The following CAMK1D variants were observed in gnomAD, a reference collection of about 807,000 sequenced individuals.
CAMK1D encodes the protein calcium/calmodulin dependent protein kinase ID, also known as calcium/calmodulin-dependent protein kinase type 1D.
A neutral mutation model predicts 47.7 loss-of-function variants in CAMK1D; 9 were observed. That is an observed-to-expected ratio of 0.19 (90% CI 0.11 to 0.33). The LOEUF is 0.33. Among genes scored for constraint, CAMK1D ranks in the 10% least tolerant of loss-of-function variants. CAMK1D has a pLI of 1.00. For synonymous variants in CAMK1D, 184 were observed against 184.9 expected (o/e 0.99, Z 0.04); for missense variants, 291 against 488.7 (o/e 0.60, Z 3.81).
chr10:12,729,071 G>A (rs188190381), intron 3 of CAMK1D, among the ~76,000 whole-genome samples: 9 of 152,254 alleles, frequency 5.9e-5, no homozygotes, highest in South Asian at 4.1e-4. Context: ...AATATTTGGC[G>A]TCATGCTGTC....
chr10:12,724,340 C>T (rs1209450798), intron 3 of CAMK1D, among the ~76,000 whole-genome samples: 1 of 152,116 alleles, frequency 6.6e-6, no homozygotes, highest in African/African-American at 2.4e-5. Context: ...AGGAAAATGG[C>T]ATTCGTGTGC....
chr10:12,453,834 T>C (rs1260871366), intron 1 of CAMK1D, among the ~76,000 whole-genome samples: 1 of 152,224 alleles, frequency 6.6e-6, no homozygotes, highest in Non-Finnish European at 1.5e-5. Flanking sequence ...TTAATTTTTA[T>C]GCACAATCTT....
At chr10:12,577,215 C>T (rs907380725) in intron 2 of CAMK1D, among the ~76,000 whole-genome samples, 15 of 152,220 alleles carry the variant, frequency 9.9e-5, no homozygotes, top group African/African-American at 2.9e-4. Flanking sequence ...TCCCCGGACA[C>T]ACAGCGAAAA....
chr10:12,419,677 T>TA (rs1839983906), intron 1 of CAMK1D, among the ~76,000 whole-genome samples: 1 of 125,480 alleles, frequency 8.0e-6, no homozygotes, highest in African/African-American at 2.9e-5. Flanking sequence ...CACGCAAAAA[T>TA]AGAGTTCTTG....
intron 1 of CAMK1D, among the ~76,000 whole-genome samples, chr10:12,439,734 A>G (rs1013095878): frequency 1.3e-5 from 2 of 152,226 alleles, no homozygotes; most frequent in African/African-American, 2.4e-5. Flanking sequence ...GAAAGACCTT[A>G]GTGGCCTAGA....
chr10:12,378,345 C>A (rs1432077832), intron 1 of CAMK1D, among the ~76,000 whole-genome samples: 1 of 152,162 alleles, frequency 6.6e-6, no homozygotes, highest in African/African-American at 2.4e-5. Flanking sequence ...CTCCTGTGCT[C>A]AGGTGATCTC....
intron 1 of CAMK1D, among the ~76,000 whole-genome samples, chr10:12,411,893 C>G (rs1199317489): frequency 6.6e-6 from 1 of 151,646 alleles, no homozygotes; most frequent in Non-Finnish European, 1.5e-5. Flanking sequence ...TGTGCCCGGA[C>G]AAGCCTACCT....
chr10:12,669,247 ACCC>A (rs143143876), intron 3 of CAMK1D, among the ~76,000 whole-genome samples: 79,961 of 151,250 alleles, frequency 0.53, 21,346 homozygotes, highest in East Asian at 0.55. Flanking sequence ...AAACAAAAAA[ACCC>A]CACAAAAAAC....
intron 1 of CAMK1D, among the ~76,000 whole-genome samples, chr10:12,496,297 G>GA (rs1834537475): frequency 6.6e-6 from 1 of 152,176 alleles, no homozygotes; most frequent in Admixed American, 6.6e-5. Context: ...GCAAATCATA[G>GA]AACTATGACT....
At chr10:12,426,332 C>T (rs1840227105) in intron 1 of CAMK1D, among the ~76,000 whole-genome samples, 1 of 151,960 alleles carries the variant, frequency 6.6e-6, no homozygotes, top group South Asian at 2.1e-4. Flanking sequence ...CTGCAACGTC[C>T]ACCTCCCAGG....
intron 1 of CAMK1D, among the ~76,000 whole-genome samples, chr10:12,547,648 C>CCCT (rs1554786322): frequency 0.011 from 1,096 of 101,082 alleles, 42 homozygotes; most frequent in African/African-American, 0.048. Context: ...CACCCCCCCC[C>CCCT]CAACCCTGCA....
At chr10:12,426,878 C>A (rs1294020595) in intron 1 of CAMK1D, among the ~76,000 whole-genome samples, 1 of 152,184 alleles carries the variant, frequency 6.6e-6, no homozygotes, top group Non-Finnish European at 1.5e-5. Flanking sequence ...CCACGCCCAG[C>A]TAATTTTTGT....
At chr10:12,811,615 A>C (rs1832609814) in intron 6 of CAMK1D, among the ~76,000 whole-genome samples, 1 of 152,252 alleles carries the variant, frequency 6.6e-6, no homozygotes, top group African/African-American at 2.4e-5. Flanking sequence ...GACCAGAAGA[A>C]ACTGGAATAT....
chr10:12,518,229 C>T (rs865923672), intron 1 of CAMK1D, among the ~76,000 whole-genome samples: 1 of 152,346 alleles, frequency 6.6e-6, no homozygotes, highest in Middle Eastern at 3.4e-3. Flanking sequence ...TATTGGAACA[C>T]AGCCATGCCT....
intron 2 of CAMK1D, among the ~76,000 whole-genome samples, chr10:12,553,969 C>A (rs937064220): frequency 1.3e-5 from 2 of 152,232 alleles, no homozygotes; most frequent in Non-Finnish European, 2.9e-5. Context: ...ATGGTTTCTC[C>A]CATTCTCTGC....
chr10:12,701,463 G>A (rs907182005), intron 3 of CAMK1D, among the ~76,000 whole-genome samples: 1 of 152,190 alleles, frequency 6.6e-6, no homozygotes, highest in Non-Finnish European at 1.5e-5. Context: ...GCTTCTTCCA[G>A]TATGGGCTGG....
intron 1 of CAMK1D, among the ~76,000 whole-genome samples, chr10:12,475,672 T>A (rs993354582): frequency 1.3e-5 from 2 of 152,340 alleles, no homozygotes; most frequent in South Asian, 2.1e-4. Flanking sequence ...GGTCTGAGTT[T>A]GGGAACTAGG....
intron 6 of CAMK1D, among the ~76,000 whole-genome samples, chr10:12,812,254 C>G (rs1588957313): frequency 6.6e-6 from 1 of 152,338 alleles, no homozygotes; most frequent in East Asian, 1.9e-4. Context: ...AGACTGGTCC[C>G]TAGGCTGTGG....
chr10:12,461,372 A>G (rs1833416896), intron 1 of CAMK1D, among the ~76,000 whole-genome samples: 1 of 152,112 alleles, frequency 6.6e-6, no homozygotes, highest in South Asian at 2.1e-4. Context: ...AATGCTTTTT[A>G]CTATTTGGGG....
Sources: allele counts gnomAD v4.1 joint callset (sites outside exome capture counted in the v4.1 genomes callset), GRCh38; gene constraint gnomAD v4.1.1; transcripts MANE v1.5; gene names NCBI Gene and HGNC (gene_info 2026-07-23, HGNC 2026-07-21).